Variants in RASSF3 observed in about 807,000 individuals in gnomAD.
The protein encoded by RASSF3 is ras association domain-containing protein 3.
Under a neutral mutation model 19.9 loss-of-function variants are expected in RASSF3, and 19 were observed. The observed-to-expected ratio is 0.96, with a 90% CI of 0.67 to 1.40. The LOEUF (loss-of-function observed/expected upper bound fraction) is 1.40. Ranked by LOEUF, RASSF3 falls within the 40% of genes most tolerant of loss-of-function variation. RASSF3 has a pLI of 0.00. For missense variants in RASSF3, 306 were observed against 289.8 expected, an observed-to-expected ratio of 1.06 and a Z score of -0.41; for synonymous variants, 110 against 104.2, an observed-to-expected ratio of 1.06 and a Z score of -0.34.
At chr12:64,663,755 C>G (rs1872450871) in intron 1 of RASSF3, among the ~76,000 whole-genome samples, 1 of 152,012 alleles carries the variant, frequency 6.6e-6, no homozygotes, top group East Asian at 1.9e-4. Flanking sequence ...ATCTGCCCAC[C>G]TCGGCCTCTC....
intron 2 of RASSF3, among the ~76,000 whole-genome samples, chr12:64,588,894 T>C (rs1172606588): frequency 6.6e-6 from 1 of 152,218 alleles, no homozygotes; most frequent in South Asian, 2.1e-4. Context: ...AGACCCTCTT[T>C]ATGTAACTTT....
chr12:64,615,745 G>A (rs760921524), intron 1 of RASSF3, among the ~76,000 whole-genome samples: 155 of 150,152 alleles, frequency 1.0e-3, no homozygotes, highest in African/African-American at 2.0e-3. Flanking sequence ...GTGTGATCTC[G>A]GCTCTGCAAC....
intron 2 of RASSF3, among the ~76,000 whole-genome samples, chr12:64,570,992 T>G (rs1399336106): frequency 6.6e-6 from 1 of 151,922 alleles, no homozygotes; most frequent in East Asian, 1.9e-4. Flanking sequence ...CCGAGATGGG[T>G]GGACCACCTG....
chr12:64,612,894 A>T (rs1870421061), intron 1 of RASSF3, among the ~76,000 whole-genome samples: 1 of 152,200 alleles, frequency 6.6e-6, no homozygotes. Flanking sequence ...ATTTTGAAAT[A>T]TCGTGTTGGA....
At chr12:64,553,018 G>C (rs1287505911) in intron 2 of RASSF3, among the ~76,000 whole-genome samples, 1 of 152,060 alleles carries the variant, frequency 6.6e-6, no homozygotes, top group Non-Finnish European at 1.5e-5. Flanking sequence ...AGACCAGCCT[G>C]GCCGACATGG....
In RASSF3 at chr12:64,524,987, T is replaced by C. The variant is rs12318833; in HGVS notation, c.170-16594T>C. On this transcript the variant is annotated intron_variant, in intron 1 of 5. Coordinates refer to the RASSF3 transcript ENST00000637125. ...TTGCTCTACAGCTCTTTGAAAATAT[T>C]TGTAGTGGCCGGACACAGTGGCTCA... 1.7e-3 allele frequency among the ~76,000 whole-genome samples: 265 copies of C among 152,252 alleles called. 1 individual carries two copies. Among genetic ancestry groups the C allele is most frequent in the African/African-American group, 6.1e-3 (253 of 41,566 alleles).
chr12:64,625,982 C>T (rs1870976075), intron 1 of RASSF3, among the ~76,000 whole-genome samples: 1 of 152,080 alleles, frequency 6.6e-6, no homozygotes. Flanking sequence ...GATGCGCCTT[C>T]TGAGTTTTCA....
At chr12:64,541,954 T>C (rs1283948786), downstream of RASSF3, among the ~76,000 whole-genome samples, 1 of 152,210 alleles carries the variant, frequency 6.6e-6, no homozygotes. Context: ...TCATAAGATA[T>C]GAGGCTTTCA....
intron 1 of RASSF3, among the ~76,000 whole-genome samples, chr12:64,673,488 A>G (rs1033901803): frequency 4.6e-5 from 7 of 152,146 alleles, no homozygotes; most frequent in Non-Finnish European, 1.0e-4. Flanking sequence ...CTCTTTTAAT[A>G]ATCAGGGAAA....
At chr12:64,669,672 T>C (rs1306169265) in intron 1 of RASSF3, among the ~76,000 whole-genome samples, 1 of 151,702 alleles carries the variant, frequency 6.6e-6, no homozygotes, top group Admixed American at 6.6e-5. Flanking sequence ...CCTTGACCCG[T>C]CCCTTTGCAA....
chr12:64,664,136 A>G (rs1282720546), intron 1 of RASSF3, among the ~76,000 whole-genome samples: 1 of 152,084 alleles, frequency 6.6e-6, no homozygotes, highest in Non-Finnish European at 1.5e-5. Context: ...TGGGATTTAC[A>G]TACTTCATTC....
At chr12:64,578,706 A>C (rs1869637512) in intron 2 of RASSF3, among the ~76,000 whole-genome samples, 1 of 152,210 alleles carries the variant, frequency 6.6e-6, no homozygotes, top group South Asian at 2.1e-4. Flanking sequence ...CAAGGTCGTG[A>C]AACTAAATCC....
intron 1 of RASSF3, among the ~76,000 whole-genome samples, chr12:64,636,520 C>G (rs917619341): frequency 2.0e-5 from 3 of 152,100 alleles, no homozygotes; most frequent in African/African-American, 7.2e-5. Flanking sequence ...TTGCTGCATG[C>G]TTGTTTTCCT....
At chr12:64,606,371 A>G (rs1870193308), upstream of RASSF3, among the ~76,000 whole-genome samples, 1 of 152,210 alleles carries the variant, frequency 6.6e-6, no homozygotes, top group African/African-American at 2.4e-5. Flanking sequence ...TAAGTATGCA[A>G]TAAGGTCTAA....
At chr12:64,527,021 G>A (rs987442290) in intron 1 of RASSF3, among the ~76,000 whole-genome samples, 5 of 152,210 alleles carry the variant, frequency 3.3e-5, no homozygotes, top group Non-Finnish European at 5.9e-5. Context: ...ACATGTTCTT[G>A]ATTAATTCAT....
chr12:64,653,454 A>G (rs1202106443), intron 1 of RASSF3, among the ~76,000 whole-genome samples: 1 of 152,208 alleles, frequency 6.6e-6, no homozygotes, highest in African/African-American at 2.4e-5. Context: ...TAACATTTTA[A>G]CTTGATGACC....
chr12:64,543,434 C>CCCGCCCG (rs1565836086), downstream of RASSF3, among the ~76,000 whole-genome samples: 1 of 59,566 alleles, frequency 1.7e-5, no homozygotes, highest in Non-Finnish European at 3.1e-5. Context: ...TCCCCGCCCG[C>CCCGCCCG]CCCCCCCGTG....
chr12:64,638,905 ATTG>A (rs1378238482), intron 1 of RASSF3, among the ~76,000 whole-genome samples: 1 of 152,132 alleles, frequency 6.6e-6, no homozygotes, highest in African/African-American at 2.4e-5. Flanking sequence ...TGGACATTTA[ATTG>A]TTCTTTCCTC....
downstream of RASSF3, among the ~76,000 whole-genome samples, chr12:64,543,604 G>A (rs370237403): frequency 4.0e-5 from 5 of 125,228 alleles, no homozygotes; most frequent in South Asian, 5.4e-4. Context: ...CATGGCACCC[G>A]GTCCCATCCA....
Sources: allele counts gnomAD v4.1 joint callset (sites outside exome capture counted in the v4.1 genomes callset), GRCh38; gene constraint gnomAD v4.1.1; transcripts MANE v1.5; gene names NCBI Gene and HGNC (gene_info 2026-07-23, HGNC 2026-07-21).